Variants in C12orf54 observed in about 807,000 individuals in gnomAD.
C12orf54 encodes the protein chromosome 12 open reading frame 54.
A neutral mutation model predicts 26.4 loss-of-function variants in C12orf54; 24 were observed. The observed-to-expected ratio is 0.91, with a 90% CI of 0.66 to 1.28. The LOEUF is 1.28. Ranked by LOEUF, C12orf54 falls within the 50% of genes most tolerant of loss-of-function variation. The pLI, the probability that C12orf54 is intolerant of heterozygous loss-of-function variation, is 0.00. For synonymous variants in C12orf54, 54 were observed against 47.0 expected (o/e 1.15, Z -0.61); for missense variants, 154 against 150.9 (o/e 1.02, Z -0.11).
chr12:48,481,947 C>A (rs1375190978), upstream of C12orf54, among the ~76,000 whole-genome samples: 4 of 152,118 alleles, frequency 2.6e-5, no homozygotes, highest in Admixed American at 1.3e-4. Context: ...TTATATGCAC[C>A]ATCACCAAAA....
chr12:48,471,628 G>A, the C12orf54 span, among the ~76,000 whole-genome samples: 127 of 152,026 alleles, frequency 8.4e-4, no homozygotes, highest in Non-Finnish European at 1.4e-3. Context: ...GTTTTTCTTG[G>A]TCTTGTCAAA....
the C12orf54 span, chr12:48,442,611 GC>G: frequency 6.1e-6 from 1 of 163,978 alleles, no homozygotes. Context: ...ATCACAGCAA[GC>G]AGGGAGGATT....
the C12orf54 span, among the ~76,000 whole-genome samples, chr12:48,458,213 A>C: frequency 6.6e-6 from 1 of 152,220 alleles, no homozygotes; most frequent in Admixed American, 6.5e-5. Flanking sequence ...TTAAATGCAC[A>C]AACTGCCCTT....
the C12orf54 span, among the ~76,000 whole-genome samples, chr12:48,435,219 T>C: frequency 6.6e-6 from 1 of 151,954 alleles, no homozygotes; most frequent in Non-Finnish European, 1.5e-5. Context: ...GAAAAAAGAA[T>C]AAAAAGAAAC....
At chr12:48,449,840 C>T in the C12orf54 span, among the ~76,000 whole-genome samples, 2 of 152,020 alleles carry the variant, frequency 1.3e-5, no homozygotes, top group African/African-American at 2.4e-5. Context: ...ACCCAAATCT[C>T]AACTTGAATT....
the C12orf54 span, among the ~76,000 whole-genome samples, chr12:48,426,489 C>G: frequency 6.6e-6 from 1 of 151,940 alleles, no homozygotes; most frequent in African/African-American, 2.4e-5. Context: ...TACTGTAGCC[C>G]TGTAGTATAG....
At chr12:48,458,309 A>G in the C12orf54 span, among the ~76,000 whole-genome samples, 1 of 152,216 alleles carries the variant, frequency 6.6e-6, no homozygotes, top group South Asian at 2.1e-4. Flanking sequence ...CAGGAGAGGG[A>G]TCTAAACAGT....
At chr12:48,472,044 T>C in the C12orf54 span, among the ~76,000 whole-genome samples, 12 of 152,182 alleles carry the variant, frequency 7.9e-5, no homozygotes, top group Non-Finnish European at 1.8e-4. Context: ...GTTCTCCTTG[T>C]AGAAATTTTT....
chr12:48,434,741 C>G, the C12orf54 span, among the ~76,000 whole-genome samples: 1 of 152,078 alleles, frequency 6.6e-6, no homozygotes, highest in Non-Finnish European at 1.5e-5. Flanking sequence ...GAAAGGACAT[C>G]CACACCAAAA....
chr12:48,447,014 G>A, the C12orf54 span, among the ~76,000 whole-genome samples: 3 of 152,134 alleles, frequency 2.0e-5, no homozygotes, highest in Admixed American at 2.0e-4. Context: ...CTTAGTGCAA[G>A]TCTTTTAGTG....
chr12:48,493,579 C>A (rs1170210829), intron 7 of C12orf54, among the ~76,000 whole-genome samples: 1 of 143,394 alleles, frequency 7.0e-6, no homozygotes. Flanking sequence ...CATGATCATG[C>A]CACTTCCCTC....
the C12orf54 span, among the ~76,000 whole-genome samples, chr12:48,431,187 T>C: frequency 6.6e-6 from 1 of 152,090 alleles, no homozygotes; most frequent in Non-Finnish European, 1.5e-5. Flanking sequence ...ACAAATAGGG[T>C]GCAATGTGTA....
the C12orf54 span, among the ~76,000 whole-genome samples, chr12:48,473,993 C>T: frequency 1.3e-5 from 2 of 152,186 alleles, no homozygotes; most frequent in Non-Finnish European, 2.9e-5. Flanking sequence ...GGTGGGCTTC[C>T]TTCTACAAAG....
At chr12:48,446,724 T>G in the C12orf54 span, among the ~76,000 whole-genome samples, 12 of 152,314 alleles carry the variant, frequency 7.9e-5, no homozygotes, top group Non-Finnish European at 1.8e-4. Flanking sequence ...ACTAGATATA[T>G]TAAAAATAGT....
At chr12:48,486,340 C>A in intron 3 of C12orf54, 132 bp downstream of exon 3, 2 of 892,934 alleles carry the variant, frequency 2.2e-6, no homozygotes, top group South Asian at 1.6e-5. Flanking sequence ...CCTTGACTGG[C>A]TGGTGGAGTG....
At chr12:48,492,390 G>T (rs1937809202) in intron 6 of C12orf54, among the ~76,000 whole-genome samples, 1 of 152,228 alleles carries the variant, frequency 6.6e-6, no homozygotes, top group Non-Finnish European at 1.5e-5. Flanking sequence ...GTCAAAAAGG[G>T]CCAAGCTTAC....
At chr12:48,449,366 G>C in the C12orf54 span, among the ~76,000 whole-genome samples, 2 of 152,182 alleles carry the variant, frequency 1.3e-5, no homozygotes, top group East Asian at 3.8e-4. Flanking sequence ...AACATGTTTT[G>C]AGGTAAAATA....
Position 48,494,688 on chromosome 12 carries a change from C to T in C12orf54, c.243-110C>T, listed in dbSNP as rs549900655. ...ACTCCCAGAGCCTGAGATGCCCATTCTTGGGGGAGTGTAATAATAGAATCT... is the reference window on the plus strand; with the variant it reads ...ACTCCCAGAGCCTGAGATGCCCATTTTTGGGGGAGTGTAATAATAGAATCT... On this transcript the variant is annotated intron_variant, in intron 7 of 8. Coordinates refer to ENST00000548364, the MANE Select transcript of C12orf54 (RefSeq NM_152319.4). 2.6e-5 allele frequency: 31 copies of T among 1,206,244 alleles called. No homozygotes were observed. The African/African-American group carries it at 4.7e-4, about 18-fold the overall frequency. 74.7% of individuals were successfully genotyped at this position (1,206,244 alleles called of 1,614,324 possible).
At chr12:48,441,134 T>C in the C12orf54 span, among the ~76,000 whole-genome samples, 1 of 152,214 alleles carries the variant, frequency 6.6e-6, no homozygotes, top group Non-Finnish European at 1.5e-5. Flanking sequence ...AGAATATAAA[T>C]TGCTTAACAC....
Sources: allele counts gnomAD v4.1 joint callset (sites outside exome capture counted in the v4.1 genomes callset), GRCh38; gene constraint gnomAD v4.1.1; transcripts MANE v1.5; gene names NCBI Gene and HGNC (gene_info 2026-07-23, HGNC 2026-07-21).